The following RNLS variants were observed in gnomAD, a reference collection of about 807,000 sequenced individuals.
RNLS encodes the protein renalase.
In RNLS, 39 loss-of-function variants were observed where a neutral mutation model predicts 39.8. The observed-to-expected ratio is 0.98, with a 90% CI of 0.76 to 1.28. The LOEUF is 1.28. RNLS is among the 50% of genes most tolerant of loss of function. RNLS has a pLI of 0.00. For synonymous variants in RNLS, 147 were observed against 150.7 expected (o/e 0.98, Z 0.18); for missense variants, 410 against 413.3 (o/e 0.99, Z 0.07).
Position 88,284,801 on chromosome 10 carries a change from C to T in RNLS, c.*553G>A. On this transcript the variant is annotated 3_prime_UTR_variant, in exon 7 of 7. Transcript: ENST00000331772. ...TTTATCAGTCAAGTTGCCCTCCACA[C>T]TAAGATGATGACATATATGACCTAC... 3.0e-6 allele frequency: 3 copies of T among 985,288 alleles called. No individual in the cohort carries two copies. The highest frequency in any genetic ancestry group is 3.6e-6 in the Non-Finnish European group (3 of 829,898). 61.0% of individuals were successfully genotyped at this position (985,288 alleles called of 1,614,324 possible).
intron 4 of RNLS, among the ~76,000 whole-genome samples, chr10:88,368,819 T>C (rs1850321000): frequency 6.6e-6 from 1 of 152,108 alleles, no homozygotes; most frequent in African/African-American, 2.4e-5. Context: ...ATATTGAAAG[T>C]GGAATTACTG....
At chr10:88,579,805 T>C (rs1371509274) in intron 3 of RNLS, among the ~76,000 whole-genome samples, 1 of 152,212 alleles carries the variant, frequency 6.6e-6, no homozygotes, top group Non-Finnish European at 1.5e-5. Context: ...ACATATTTGG[T>C]CAAACACTAT....
chr10:88,528,635 C>T (rs1200640900), intron 4 of RNLS, among the ~76,000 whole-genome samples: 2 of 151,956 alleles, frequency 1.3e-5, no homozygotes, highest in Non-Finnish European at 2.9e-5. Context: ...CACTTGAGGC[C>T]AGGAGTTCAA....
the RNLS span, among the ~76,000 whole-genome samples, chr10:88,222,091 G>T: frequency 1.2e-4 from 18 of 152,176 alleles, no homozygotes; most frequent in East Asian, 1.9e-3. Context: ...TATTATTTTT[G>T]TTTGCCTCCA....
intron 4 of RNLS, among the ~76,000 whole-genome samples, chr10:88,515,887 G>A (rs374690342): frequency 2.6e-5 from 4 of 152,042 alleles, no homozygotes; most frequent in African/African-American, 9.7e-5. Flanking sequence ...ACTGTATTAG[G>A]AGATAGAGCA....
chr10:88,322,077 G>T (rs779041782), intron 5 of RNLS, among the ~76,000 whole-genome samples: 28 of 152,130 alleles, frequency 1.8e-4, no homozygotes, highest in Non-Finnish European at 3.4e-4. Context: ...GAATCTAGCT[G>T]CACATCAAAA....
chr10:88,452,260 G>T (rs1168809846), intron 4 of RNLS, among the ~76,000 whole-genome samples: 1 of 152,162 alleles, frequency 6.6e-6, no homozygotes, highest in East Asian at 1.9e-4. Context: ...ATATCAAGTG[G>T]TCATGATCTT....
chr10:88,256,324 G>A, the RNLS span, among the ~76,000 whole-genome samples: 1 of 152,204 alleles, frequency 6.6e-6, no homozygotes. Flanking sequence ...GTGTTCTCCA[G>A]CGAGCATCAC....
At chr10:88,433,155 T>C (rs895310895) in intron 4 of RNLS, among the ~76,000 whole-genome samples, 2 of 152,078 alleles carry the variant, frequency 1.3e-5, no homozygotes, top group African/African-American at 4.8e-5. Context: ...TTTTGCTGGA[T>C]ATACAGGTCT....
chr10:88,266,339 G>A, the RNLS span, among the ~76,000 whole-genome samples: 1 of 152,102 alleles, frequency 6.6e-6, no homozygotes, highest in African/African-American at 2.4e-5. Context: ...ATGCTCTCAA[G>A]GCTTACGTTC....
intron 4 of RNLS, among the ~76,000 whole-genome samples, chr10:88,450,638 C>G (rs1842311087): frequency 6.6e-6 from 1 of 152,108 alleles, no homozygotes; most frequent in African/African-American, 2.4e-5. Context: ...CAGGCCAATC[C>G]CTTTGTTGGA....
the RNLS span, among the ~76,000 whole-genome samples, chr10:88,182,263 C>T: frequency 6.6e-6 from 1 of 152,100 alleles, no homozygotes; most frequent in Non-Finnish European, 1.5e-5. Context: ...AAAAAAATAT[C>T]ACCCCAGGTG....
intron 4 of RNLS, among the ~76,000 whole-genome samples, chr10:88,569,794 G>A (rs1049334676): frequency 4.0e-5 from 6 of 151,852 alleles, no homozygotes; most frequent in Non-Finnish European, 5.9e-5. Flanking sequence ...GTTCACCTAC[G>A]TAACAAACCT....
chr10:88,573,643 T>G (rs1304377351), intron 3 of RNLS, among the ~76,000 whole-genome samples: 2 of 152,174 alleles, frequency 1.3e-5, no homozygotes, highest in Non-Finnish European at 2.9e-5. Flanking sequence ...GAATCAGAAT[T>G]TAGAAACATA....
At chr10:88,204,859 C>T in the RNLS span, among the ~76,000 whole-genome samples, 7 of 152,256 alleles carry the variant, frequency 4.6e-5, no homozygotes, top group Non-Finnish European at 1.0e-4. Flanking sequence ...ATTAAGCCTG[C>T]ATTAGGTGAA....
intron 4 of RNLS, among the ~76,000 whole-genome samples, chr10:88,529,765 C>G (rs2134235360): frequency 6.6e-6 from 1 of 152,292 alleles, no homozygotes; most frequent in Non-Finnish European, 1.5e-5. Context: ...AAAACACTTA[C>G]AGATCATCAC....
At chr10:88,187,097 T>A in the RNLS span, among the ~76,000 whole-genome samples, 1 of 148,384 alleles carries the variant, frequency 6.7e-6, no homozygotes, top group East Asian at 1.9e-4. Context: ...AAGCCCAATC[T>A]TTTGTAGGTT....
intron 6 of RNLS, among the ~76,000 whole-genome samples, chr10:88,277,568 G>A (rs1201690382): frequency 6.6e-6 from 1 of 152,110 alleles, no homozygotes; most frequent in Non-Finnish European, 1.5e-5. Context: ...TTGGCATACA[G>A]AAGAGTTATT....
At chr10:88,274,235 C>G (rs1244278631) in exon 7 of RNLS, 1 of 152,144 alleles carries the variant, frequency 6.6e-6, no homozygotes, top group East Asian at 1.9e-4. Context: ...TTTAAATGTG[C>G]AGTTCTGTGG....
Sources: allele counts gnomAD v4.1 joint callset (sites outside exome capture counted in the v4.1 genomes callset), GRCh38; gene constraint gnomAD v4.1.1; transcripts MANE v1.5; gene names NCBI Gene and HGNC (gene_info 2026-07-23, HGNC 2026-07-21).